ABLIM1: variants seen among roughly 807,000 people sequenced by gnomAD.
The protein encoded by ABLIM1 is actin binding LIM protein 1, also known as actin-binding LIM protein 1.
ABLIM1 carries 40 observed loss-of-function variants against 107.0 expected under a neutral mutation model. The observed-to-expected ratio is 0.37, with a 90% confidence interval of 0.29 to 0.49. ABLIM1 has a LOEUF of 0.49. Ranked by LOEUF, ABLIM1 falls within the 20% of genes least tolerant of loss-of-function variation. The pLI is 0.97. For synonymous variants in ABLIM1, 357 were observed against 357.3 expected, an observed-to-expected ratio of 1.00 and a Z score of 0.01; for missense variants, 857 against 1,008.5, an observed-to-expected ratio of 0.85 and a Z score of 2.04.
chr10:114,757,544 C>A (rs1378191603), intron 1 of ABLIM1, among the ~76,000 whole-genome samples: 1 of 152,172 alleles, frequency 6.6e-6, no homozygotes, highest in Non-Finnish European at 1.5e-5. Flanking sequence ...AGATTCCCCT[C>A]TTTCTTCTAC....
chr10:114,766,022 T>C (rs1470548149), intron 1 of ABLIM1, among the ~76,000 whole-genome samples: 1 of 152,192 alleles, frequency 6.6e-6, no homozygotes, highest in Admixed American at 6.5e-5. Flanking sequence ...GAAGGACTAA[T>C]AACAGAAGTA....
At chr10:114,610,093 T>A (rs1047003668) in intron 1 of ABLIM1, among the ~76,000 whole-genome samples, 8 of 152,192 alleles carry the variant, frequency 5.3e-5, no homozygotes, top group Non-Finnish European at 1.0e-4. Flanking sequence ...TCAGAACTGG[T>A]GAATGCCCAC....
At chr10:114,594,743 C>CT (rs2075249959) in intron 2 of ABLIM1, among the ~76,000 whole-genome samples, 1 of 152,142 alleles carries the variant, frequency 6.6e-6, no homozygotes, top group African/African-American at 2.4e-5. Context: ...GAGTGAGACT[C>CT]TGTCTCAAAA....
intron 1 of ABLIM1, among the ~76,000 whole-genome samples, chr10:114,709,928 C>CAT (rs1208344460): frequency 6.6e-6 from 1 of 152,180 alleles, no homozygotes; most frequent in Non-Finnish European, 1.5e-5. Context: ...CTCAAACTTA[C>CAT]ATAAGCCTCA....
At chr10:114,562,807 T>C (rs574435423) in intron 4 of ABLIM1, among the ~76,000 whole-genome samples, 1 of 152,284 alleles carries the variant, frequency 6.6e-6, no homozygotes, top group South Asian at 2.1e-4. Flanking sequence ...AATGAACATG[T>C]GTGTGCTTGC....
At chr10:114,684,083 T>C (rs1316851621) in intron 1 of ABLIM1, among the ~76,000 whole-genome samples, 1 of 152,186 alleles carries the variant, frequency 6.6e-6, no homozygotes, top group East Asian at 1.9e-4. Flanking sequence ...ATATTAAGAA[T>C]ATATGTAAAT....
chr10:114,470,921 A>G (rs879314011), intron 10 of ABLIM1, among the ~76,000 whole-genome samples: 6 of 151,780 alleles, frequency 4.0e-5, no homozygotes, highest in Non-Finnish European at 7.4e-5. Context: ...GTGTCACTCT[A>G]TCACCCAGGC....
the ABLIM1 span, among the ~76,000 whole-genome samples, chr10:114,798,562 C>G: frequency 1.2e-4 from 17 of 147,530 alleles, no homozygotes; most frequent in East Asian, 1.8e-3. Flanking sequence ...TGAGACCCCC[C>G]CCCCATGTCT....
Position 114,468,189 on chromosome 10 carries a change from A to T in ABLIM1, c.1303T>A (p.Ser435Thr), listed in dbSNP as rs1317853327. 6.2e-7 allele frequency: 1 copy of T among 1,613,082 alleles called. No individual in the cohort carries two copies. Among genetic ancestry groups the T allele is most frequent in the Non-Finnish European group, 8.5e-7 (1 of 1,179,112 alleles). Residue 435 changes from serine (S) to threonine (T), a missense_variant, in exon 11 of 23, where the codon TCA becomes ACA. Physicochemically the swap from Ser to Thr is moderately conservative, Grantham distance 58. Around this residue, in one of 5 missense-constraint regions of ABLIM1, gnomAD observed 381 missense variants for 506.9 expected, o/e 0.75. Coordinates refer to ENST00000533213, the MANE Select transcript of ABLIM1 (RefSeq NM_002313.7). ...AAAGAAATGGTACTTACTTCTGCTG[A>T]TGGAGTAGGAGACAAAGTCCTCGGA... is the stretch of plus-strand genomic sequence containing the variant. ...ESPRTLSPTP[S>T]AEGYQDVRDR... is the part of the protein sequence containing the mutation.
upstream of ABLIM1, among the ~76,000 whole-genome samples, chr10:114,772,421 G>A (rs181449723): frequency 5.1e-4 from 78 of 151,860 alleles, no homozygotes; most frequent in East Asian, 0.013. Context: ...GGACAACATG[G>A]CAAAACCCTA....
rs138943557 is a variant in ABLIM1, at chr10:114,657,989, C to G, written c.212G>C (p.Arg71Pro). 2 of 1,613,998 alleles carry G rather than the reference C, an allele frequency of 1.2e-6. No homozygotes were observed. The highest frequency in any genetic ancestry group is 1.3e-5 in the African/African-American group (1 of 75,044). Residue 71 changes from arginine to proline, a missense_variant, in exon 1 of 23, where the codon CGT becomes CCT. Arg to Pro is a moderately radical substitution (Grantham distance 103). Around this residue, in one of 5 missense-constraint regions of ABLIM1, gnomAD observed 176 missense variants for 173.5 expected, o/e 1.01. Transcript: ENST00000533213. ...LYLCPKDYCPRGRVCNSVDPF... is the reference protein window; with the variant it reads ...LYLCPKDYCPPGRVCNSVDPF... ...ATCAACGCTGTTACATACACGCCCA[C>G]GTGGGCAGTAGTCCTTGGGACAGAG...
intron 10 of ABLIM1, among the ~76,000 whole-genome samples, chr10:114,468,789 C>T (rs1009617133): frequency 2.4e-4 from 37 of 151,714 alleles, no homozygotes; most frequent in African/African-American, 7.7e-4. Context: ...CGGTGGCTCA[C>T]GTCTGTAATC....
At chr10:114,746,588 T>C (rs2082390793) in intron 1 of ABLIM1, among the ~76,000 whole-genome samples, 1 of 152,214 alleles carries the variant, frequency 6.6e-6, no homozygotes, top group African/African-American at 2.4e-5. Flanking sequence ...TTCAAATCTT[T>C]TTGGTTCATA....
chr10:114,768,659 G>A (rs1027316255), upstream of ABLIM1, among the ~76,000 whole-genome samples: 8 of 152,030 alleles, frequency 5.3e-5, no homozygotes, highest in Admixed American at 2.0e-4. Flanking sequence ...AAGCCTATGG[G>A]CGGGGTGGGA....
intron 6 of ABLIM1, among the ~76,000 whole-genome samples, chr10:114,537,832 G>T (rs2137202653): frequency 6.6e-6 from 1 of 152,308 alleles, no homozygotes; most frequent in South Asian, 2.1e-4. Flanking sequence ...TGAGCACAGT[G>T]AGAATGAGAA....
chr10:114,679,166 G>GGAAA (rs1238813734), intron 1 of ABLIM1, among the ~76,000 whole-genome samples: 10 of 151,950 alleles, frequency 6.6e-5, no homozygotes, highest in East Asian at 1.9e-4. Flanking sequence ...AAAGAAAGAA[G>GGAAA]GAAAGAAAGA....
At chr10:114,791,030 TA>T in the ABLIM1 span, among the ~76,000 whole-genome samples, 8 of 151,948 alleles carry the variant, frequency 5.3e-5, no homozygotes, top group Non-Finnish European at 7.4e-5. Flanking sequence ...TTATCCTTTT[TA>T]AAAAAAAATC....
intron 8 of ABLIM1, among the ~76,000 whole-genome samples, chr10:114,484,834 C>G (rs1428811108): frequency 6.6e-6 from 1 of 152,246 alleles, no homozygotes; most frequent in South Asian, 2.1e-4. Flanking sequence ...TCCAAGACCA[C>G]TTCTCCCAGG....
At chr10:114,628,074 A>G (rs2077933025) in intron 1 of ABLIM1, among the ~76,000 whole-genome samples, 1 of 152,078 alleles carries the variant, frequency 6.6e-6, no homozygotes, top group African/African-American at 2.4e-5. Flanking sequence ...GTGAGCTGAG[A>G]CAGGGCCATT....
Sources: gnomAD v4.1 joint callset for allele counts (sites outside exome capture counted in the v4.1 genomes callset) on GRCh38, gnomAD v4.1.1 for gene constraint, gnomAD v4.1.1 regional missense constraint, MANE v1.5 for transcripts, NCBI Gene and HGNC (gene_info 2026-07-23, HGNC 2026-07-21) for gene names.